Variants in BRD1 observed in about 807,000 individuals in gnomAD.
The protein encoded by BRD1 is bromodomain-containing protein 1.
Under a neutral mutation model 107.7 loss-of-function variants are expected in BRD1, and 24 were observed. The ratio of observed to expected loss-of-function variants is 0.22; its 90% CI spans 0.16 to 0.31. The LOEUF is 0.31. Ranked by LOEUF, BRD1 falls within the 10% of genes least tolerant of loss-of-function variation. BRD1 has a pLI of 1.00. For missense variants in BRD1, 1,279 were observed against 1,638.6 expected (o/e 0.78, Z 3.79); for synonymous variants, 744 against 686.1 (o/e 1.08, Z -1.32).
At chr22:49,795,089 T>C (rs1252367905) in intron 6 of BRD1, among the ~76,000 whole-genome samples, 1 of 152,192 alleles carries the variant, frequency 6.6e-6, no homozygotes, top group African/African-American at 2.4e-5. Context: ...TCTGTCTCTT[T>C]GGCTGAATAA....
rs747768983 is a variant in BRD1, at chr22:49,775,674, G to A, written c.3303C>T (p.Asp1101=). ...NGVTIPAPPL[D]VLKIGEHMQT... Reference sequence around the variant, plus strand: ...GCATGTGCTCCCCAATCTTCAGCACGTCCAGGGGTGGGGCCGGGATGGTGA... The same window carrying A: ...GCATGTGCTCCCCAATCTTCAGCACATCCAGGGGTGGGGCCGGGATGGTGA... The change falls in exon 12 of 13, where the codon GAC becomes GAT. Residue 1101 remains aspartate (D), a synonymous_variant. Transcript: ENST00000404760. The A allele has an allele frequency of 1.2e-5, 20 of 1,613,664 alleles. 1 individual carries two copies. Among genetic ancestry groups the A allele is most frequent in the African/African-American group, 4.0e-5 (3 of 74,864 alleles).
intron 4 of BRD1, 40 bp downstream of exon 4, chr22:49,798,948 G>A (rs1488198082): frequency 1.3e-6 from 2 of 1,564,868 alleles, no homozygotes; most frequent in Non-Finnish European, 1.7e-6. Context: ...CACGCCCCGT[G>A]GCCAGTGGTG....
At position 49,798,565 on chromosome 22, in the gene BRD1, A is replaced by G. The variant is rs2059580222; in HGVS notation, c.1778T>C (p.Leu593Pro). The part of the protein sequence containing the change: ...PARIFAQPVS[L>P]KEVPDYLDHI... ...AGCGCCGCAAACACCCACCTCCTTCAGACTCACGGGCTGCGCAAATATCCT... is the reference window on the plus strand; with the variant it reads ...AGCGCCGCAAACACCCACCTCCTTCGGACTCACGGGCTGCGCAAATATCCT... The change falls in exon 5 of 13, where the codon CTG becomes CCG. Residue 593 changes from leucine (L) to proline (P), a missense_variant. By Grantham distance (98) the Leu-to-Pro change is moderately conservative (BLOSUM62 -3). Transcript: ENST00000404760. 1 of 1,614,088 alleles carries G rather than the reference A, an allele frequency of 6.2e-7. No homozygotes were observed. The highest frequency in any genetic ancestry group is 1.3e-5 in the African/African-American group (1 of 74,930).
intron 2 of BRD1, among the ~76,000 whole-genome samples, chr22:49,810,520 A>G (rs2059830256): frequency 6.6e-6 from 1 of 152,236 alleles, no homozygotes; most frequent in African/African-American, 2.4e-5. Context: ...TTCAAAGAAC[A>G]CTGAATAAAA....
chr22:49,792,359 CCA>C lies in BRD1; in HGVS notation c.2359+1673_2359+1674del, dbSNP rs1201122059. Among the ~76,000 whole-genome samples the C allele has an allele frequency of 6.6e-6, 1 of 152,144 alleles. No homozygotes were observed. Among genetic ancestry groups the C allele is most frequent in the Non-Finnish European group, 1.5e-5 (1 of 68,030 alleles). On this transcript the variant is annotated intron_variant, in intron 7 of 12. Transcript: ENST00000404760. This position sits in a 1 kb window ranked among gnomAD's most constrained non-coding sequence, Gnocchi z 4.2. The stretch of plus-strand genomic sequence containing the variant: ...AAGGGCAGTCCACCTAGAGGGAGGC[CCA>C]CACAGCCAGAGGATGCCTCGGTGGG...
chr22:49,793,943 G>T, intron 7 of BRD1, 91 bp downstream of exon 7: 1 of 1,506,598 alleles, frequency 6.6e-7, no homozygotes. Flanking sequence ...GCACACCAAC[G>T]CTGCTGCCCG....
chr22:49,820,548 G>A (rs142814975), intron 2 of BRD1, among the ~76,000 whole-genome samples: 2 of 152,312 alleles, frequency 1.3e-5, no homozygotes, highest in Non-Finnish European at 2.9e-5. Flanking sequence ...TGAGGCTACT[G>A]TAAGCCATGA....
At position 49,823,703 on chromosome 22, in the gene BRD1, G is replaced by A. The variant is rs764053350; in HGVS notation, c.615C>T (p.Gly205=). 33 of 1,613,702 alleles carry A rather than the reference G, an allele frequency of 2.0e-5. No homozygotes were observed. The highest frequency in any genetic ancestry group is 1.0e-4 in the Admixed American group (6 of 59,992). The part of the protein sequence containing the change: ...KESHCENQKQ[G]EQQSLIDEDA... ...CCTCGTCGATCAGAGACTGCTGCTC[G>A]CCCTGCTTCTGGTTCTCGCAGTGCG... The change falls in exon 2 of 13, where the codon GGC becomes GGT. Residue 205 remains glycine (G), a synonymous_variant. Coordinates refer to ENST00000404760, the MANE Select transcript of BRD1 (RefSeq NM_001304808.3).
intron 4 of BRD1, 137 bp from the exon 5 acceptor site, chr22:49,798,823 A>AG: frequency 7.0e-7 from 1 of 1,432,072 alleles, no homozygotes; most frequent in South Asian, 1.5e-5. Flanking sequence ...GCCTCCACTT[A>AG]GGGCTCTGCA....
In BRD1 at chr22:49,824,074, G is replaced by A. The variant is rs749229346; in HGVS notation, c.244C>T (p.Arg82Trp). 7 of 1,613,816 alleles carry A rather than the reference G, an allele frequency of 4.3e-6. No homozygotes were observed. The highest frequency in any genetic ancestry group is 2.7e-5 in the African/African-American group (2 of 74,930). The change falls in exon 2 of 13, where the codon CGG becomes TGG. Residue 82 changes from arginine to tryptophan, a missense_variant. Physicochemically the swap from Arg to Trp is moderately radical, Grantham distance 101. Around this residue, in one of 7 missense-constraint regions of BRD1, gnomAD observed 223 missense variants for 263.5 expected, o/e 0.85. Transcript: ENST00000404760. The surrounding 1 kb of genome is among the most constrained non-coding windows in gnomAD (Gnocchi z 5.9). ...ECNSNKENSE[R>W]PPVCLRTKRH... ...TTAGTTCTTAAGCAGACAGGAGGCC[G>A]CTCGCTGTTTTCCTTGTTGCTGTTG... is the stretch of plus-strand genomic sequence containing the variant.
Position 49,794,051 on chromosome 22 carries a change from G to T in BRD1, c.2342C>A (p.Pro781Gln). ...GFEEDGAALG[P>Q]EAGEEGDKSP... is the part of the protein sequence containing the mutation. ...TGGCTTACCTTCCTCGCCCGCCTCC[G>T]GCCCCAGCGCAGCTCCGTCCTCTTC... Residue 781 changes from proline to glutamine, a missense_variant, in exon 7 of 13, where the codon CCG (proline) becomes CAG (glutamine). Pro to Gln is a moderately conservative substitution (Grantham distance 76, BLOSUM62 -1). Coordinates refer to ENST00000404760, the MANE Select transcript of BRD1 (RefSeq NM_001304808.3). The T allele has an allele frequency of 2.5e-6, 4 of 1,612,904 alleles. No individual in the cohort carries two copies. The highest frequency in any genetic ancestry group is 3.4e-6 in the Non-Finnish European group (4 of 1,179,356).
chr22:49,789,192 G>A (rs528802222), intron 7 of BRD1, among the ~76,000 whole-genome samples: 28 of 152,346 alleles, frequency 1.8e-4, no homozygotes, highest in South Asian at 2.1e-4. Context: ...TGTCATGTGG[G>A]AATGCTGGAT....
rs532598242 is a variant in BRD1, at chr22:49,777,226, G to C, written c.2994-65C>G. 8 of 1,593,698 alleles carry C rather than the reference G, an allele frequency of 5.0e-6. No homozygotes were observed. In the African/African-American group the frequency reaches 6.7e-5, roughly 13 times the overall value. On this transcript the variant is annotated intron_variant, in intron 9 of 12. Coordinates refer to ENST00000404760, the MANE Select transcript of BRD1 (RefSeq NM_001304808.3). ...CTGCCTTCAGCCTCACTCGGGCTTC[G>C]TCCCGTGAGCTGTCCGCCACCAAGC...
chr22:49,779,079 T>C (rs2059155312), intron 8 of BRD1, among the ~76,000 whole-genome samples: 1 of 152,112 alleles, frequency 6.6e-6, no homozygotes, highest in South Asian at 2.1e-4. Flanking sequence ...AGCATTTCTG[T>C]AGAATTTTTT....
chr22:49,821,262 A>G (rs1227056471), intron 2 of BRD1, among the ~76,000 whole-genome samples: 2 of 152,212 alleles, frequency 1.3e-5, no homozygotes, highest in Admixed American at 6.5e-5. Flanking sequence ...AGCACTTCAG[A>G]CTTTTGGCTC....
At chr22:49,827,037 G>C (rs899839883) in intron 1 of BRD1, among the ~76,000 whole-genome samples, 1 of 151,970 alleles carries the variant, frequency 6.6e-6, no homozygotes, top group African/African-American at 2.4e-5. Flanking sequence ...GCGATCTCGG[G>C]GCGCGTCCCT....
chr22:49,827,708 G>A lies in BRD1; in HGVS notation c.-226C>T, dbSNP rs1224678751. Among the ~76,000 whole-genome samples, 2 of 144,874 alleles carry A rather than the reference G, an allele frequency of 1.4e-5. No individual in the cohort carries two copies. Among genetic ancestry groups the A allele is most frequent in the Admixed American group, 1.4e-4 (2 of 14,644 alleles). On this transcript the variant is annotated 5_prime_UTR_variant, in exon 1 of 13. Transcript: ENST00000404760. ...ACTCTCGGGCAGCGGCTCGCGCGGC[G>A]CGGGCTCGGGCTCGGGGCCCAGCTG...
intron 2 of BRD1, among the ~76,000 whole-genome samples, chr22:49,804,633 G>C (rs2059705683): frequency 6.6e-6 from 1 of 152,160 alleles, no homozygotes; most frequent in African/African-American, 2.4e-5. Flanking sequence ...GGGATCCCTT[G>C]AGGCCAGGAG....
intron 2 of BRD1, chr22:49,818,090 G>C (rs1291911712): frequency 8.3e-6 from 4 of 481,470 alleles, no homozygotes; most frequent in Non-Finnish European, 1.1e-5. Context: ...GGCTGACCAA[G>C]ACCAGTTCAT....
Sources: allele counts gnomAD v4.1 joint callset (sites outside exome capture counted in the v4.1 genomes callset), GRCh38; gene constraint gnomAD v4.1.1; regional missense constraint gnomAD v4.1.1; non-coding constraint Gnocchi (gnomAD v3.1); transcripts MANE v1.5; gene names NCBI Gene and HGNC (gene_info 2026-07-23, HGNC 2026-07-21).